Variants in GLP2R observed in about 807,000 individuals in gnomAD.
GLP2R encodes glucagon like peptide 2 receptor.
In GLP2R, 59 loss-of-function variants were observed where a neutral mutation model predicts 68.2. The observed-to-expected ratio is 0.87, with a 90% CI of 0.70 to 1.07. The LOEUF is 1.07. Ranked by LOEUF, GLP2R falls within the 50% of genes least tolerant of loss-of-function variation. The pLI is 0.00. For missense variants in GLP2R, 548 were observed against 677.4 expected, an observed-to-expected ratio of 0.81 and a Z score of 2.12; for synonymous variants, 270 against 265.4, an observed-to-expected ratio of 1.02 and a Z score of -0.17.
chr17:9,870,454 C>T (rs1374914164), intron 9 of GLP2R, among the ~76,000 whole-genome samples: 1 of 152,176 alleles, frequency 6.6e-6, no homozygotes, highest in Non-Finnish European at 1.5e-5. Context: ...GATGGGCCTC[C>T]TTAAGGCAGA....
chr17:9,874,521 C>A (rs1258608246), intron 10 of GLP2R, among the ~76,000 whole-genome samples: 1 of 151,946 alleles, frequency 6.6e-6, no homozygotes, highest in Admixed American at 6.6e-5. Context: ...AAAAGAGGTA[C>A]CTTGGTGTGT....
rs748966928 is a variant in GLP2R, at chr17:9,891,035, G to A, written c.*1330G>A. The A allele has an allele frequency of 5.3e-5, 8 of 149,718 alleles. No homozygotes were observed. Among genetic ancestry groups the A allele is most frequent in the African/African-American group, 9.7e-5 (4 of 41,364 alleles). 9.3% of individuals were successfully genotyped at this position (149,718 alleles called of 1,614,324 possible). A position where few individuals can be genotyped will look rare whatever the true frequency, so the allele number is the denominator to read the frequency against. On this transcript the variant is annotated 3_prime_UTR_variant, in exon 13 of 13. Transcript: ENST00000262441. ...CATGGTATGTAAAATGCATGTGTAC[G>A]TGGGTGGGGTATGTTGCTATGGGAC... is the stretch of plus-strand genomic sequence containing the variant.
At chr17:9,855,199 T>G (rs1597388782) in intron 5 of GLP2R, among the ~76,000 whole-genome samples, 1 of 152,212 alleles carries the variant, frequency 6.6e-6, no homozygotes, top group Non-Finnish European at 1.5e-5. Context: ...ACTGGAAGAC[T>G]GGGCTGGATG....
At chr17:9,853,123 C>A in intron 4 of GLP2R, 1 of 523,600 alleles carries the variant, frequency 1.9e-6, no homozygotes. Flanking sequence ...TTCATTGTCT[C>A]TGCGTCAACA....
intron 10 of GLP2R, among the ~76,000 whole-genome samples, chr17:9,876,353 T>A (rs1439583435): frequency 6.6e-6 from 1 of 152,220 alleles, no homozygotes; most frequent in African/African-American, 2.4e-5. Flanking sequence ...ATAAGTCTTA[T>A]ATGACGTAGG....
At chr17:9,864,465 G>GCACTGTAGTTTTTTCTGTTTT in intron 9 of GLP2R, among the ~76,000 whole-genome samples, 1 of 146,490 alleles carries the variant, frequency 6.8e-6, no homozygotes, top group South Asian at 2.2e-4. Flanking sequence ...TGGGGCCTAG[G>GCACTGTAGTTTTTTCTGTTTT]CACTGTAGTT....
In GLP2R at chr17:9,857,459, CTTG is replaced by C; in HGVS notation, c.651_653del (p.Leu217del). On this transcript the variant is annotated inframe_deletion, in exon 6 of 13. Coordinates refer to ENST00000262441, the MANE Select transcript of GLP2R (RefSeq NM_004246.3). ...GCACGCGCAACTACATCCACATGAA[CTTG>C]TTTGCTTCTTTCATCCTGAGAACCC... 6.2e-7 allele frequency: 1 copy of C among 1,614,180 alleles called. No individual in the cohort carries two copies. The highest frequency in any genetic ancestry group is 8.5e-7 in the Non-Finnish European group (1 of 1,180,016).
At chr17:9,841,657 T>C (rs975968044) in intron 3 of GLP2R, among the ~76,000 whole-genome samples, 7 of 152,100 alleles carry the variant, frequency 4.6e-5, no homozygotes, top group Non-Finnish European at 1.0e-4. Flanking sequence ...AAGGGTGTGG[T>C]TTGGAGTGTG....
chr17:9,851,641 C>T (rs1404786614), intron 4 of GLP2R, among the ~76,000 whole-genome samples: 1 of 151,852 alleles, frequency 6.6e-6, no homozygotes, highest in East Asian at 1.9e-4. Flanking sequence ...AGCTCAAAGT[C>T]TACACCGAGA....
At chr17:9,855,912 C>T (rs1316290426) in intron 5 of GLP2R, among the ~76,000 whole-genome samples, 1 of 152,132 alleles carries the variant, frequency 6.6e-6, no homozygotes, top group Non-Finnish European at 1.5e-5. Context: ...TTTATGGACC[C>T]ACTAGAAAGC....
At chr17:9,861,904 T>A in intron 8 of GLP2R, 117 bp from the exon 9 acceptor site, 1 of 759,758 alleles carries the variant, frequency 1.3e-6, no homozygotes, top group Non-Finnish European at 2.4e-6. Flanking sequence ...AGGGGACTGA[T>A]TGGTGGGAAG....
chr17:9,836,539 A>G (rs2066733167), intron 3 of GLP2R, 64 bp downstream of exon 3: 1 of 878,060 alleles, frequency 1.1e-6, no homozygotes, highest in Non-Finnish European at 2.0e-6. Context: ...CTCTTCCCCC[A>G]CAAACAGTCC....
intron 9 of GLP2R, among the ~76,000 whole-genome samples, 170 bp from the exon 10 acceptor site, chr17:9,870,550 GGGACAGTGGAGATTCAGATGGCCTTTA>G (rs913009244): frequency 1.3e-5 from 2 of 152,110 alleles, no homozygotes; most frequent in Admixed American, 6.5e-5. Flanking sequence ...GATGGCCTTT[GGGACAGTGGAGATTCAGATGGCCTTTA>G]GGACAGTGGA....
intron 1 of GLP2R, among the ~76,000 whole-genome samples, chr17:9,833,211 T>A (rs1167407995): frequency 1.3e-5 from 2 of 151,370 alleles, no homozygotes; most frequent in African/African-American, 4.9e-5. Flanking sequence ...TTGCAGTGAG[T>A]TGAGATCGCA....
At chr17:9,829,203 T>C (rs771899477) in intron 1 of GLP2R, among the ~76,000 whole-genome samples, 4 of 152,208 alleles carry the variant, frequency 2.6e-5, no homozygotes, top group Non-Finnish European at 4.4e-5. Flanking sequence ...CTCGTTTAAG[T>C]TATTTAGCAG....
chr17:9,856,497 G>A (rs1436594193), intron 5 of GLP2R, among the ~76,000 whole-genome samples: 1 of 152,204 alleles, frequency 6.6e-6, no homozygotes, highest in Non-Finnish European at 1.5e-5. Flanking sequence ...CTTTCCTCTG[G>A]TGACAGCAAG....
intron 1 of GLP2R, among the ~76,000 whole-genome samples, chr17:9,828,480 C>T (rs961514881): frequency 3.0e-4 from 45 of 152,324 alleles, no homozygotes; most frequent in African/African-American, 9.6e-4. Context: ...TGACCACATG[C>T]CAAGCCCTGA....
At chr17:9,887,137 C>G (rs548878061) in intron 11 of GLP2R, among the ~76,000 whole-genome samples, 1 of 152,056 alleles carries the variant, frequency 6.6e-6, no homozygotes, top group East Asian at 1.9e-4. Flanking sequence ...GATGGTCATC[C>G]TGGAACATGG....
chr17:9,844,145 G>GTGC (rs1234465312), intron 4 of GLP2R, among the ~76,000 whole-genome samples: 1 of 152,224 alleles, frequency 6.6e-6, no homozygotes, highest in East Asian at 1.9e-4. Context: ...GCCACCTTGA[G>GTGC]TGCTGCTGGG....
Sources: gnomAD v4.1 joint callset for allele counts (sites outside exome capture counted in the v4.1 genomes callset) on GRCh38, gnomAD v4.1.1 for gene constraint, MANE v1.5 for transcripts, NCBI Gene and HGNC (gene_info 2026-07-23, HGNC 2026-07-21) for gene names.